CMYA5: variants seen among roughly 807,000 people sequenced by gnomAD.
The protein encoded by CMYA5 is cardiomyopathy associated 5.
CMYA5 carries 246 observed loss-of-function variants against 318.9 expected under a neutral mutation model. The ratio of observed to expected loss-of-function variants is 0.77; its 90% CI spans 0.70 to 0.86. The LOEUF is 0.86. Among genes scored for constraint, CMYA5 ranks in the 40% least tolerant of loss-of-function variants. The pLI, the probability that CMYA5 is intolerant of heterozygous loss-of-function variation, is 0.00. For synonymous variants in CMYA5, 1,641 were observed against 1,729.5 expected (o/e 0.95, Z 1.27); for missense variants, 4,589 against 4,678.2 (o/e 0.98, Z 0.56).
chr5:79,790,752 C>T (rs753961211), intron 10 of CMYA5, among the ~76,000 whole-genome samples: 8 of 152,208 alleles, frequency 5.3e-5, no homozygotes, highest in African/African-American at 1.7e-4. Context: ...GAGGGTACAC[C>T]GTGAGGACGT....
chr5:79,769,438 T>C lies in CMYA5; in HGVS notation c.11555+6229T>C, dbSNP rs1286455972. On this transcript the variant is annotated intron_variant, in intron 9 of 12. Transcript: ENST00000446378. ...TTTTTCCCTCATATTCGTGGATTTA[T>C]CTACCTTTCGTCTTTGATGTTGGTG... Among the ~76,000 whole-genome samples, 8 of 152,300 alleles carry C rather than the reference T, an allele frequency of 5.3e-5. No individual in the cohort carries two copies. In the East Asian group the frequency reaches 9.7e-4, roughly 18 times the overall value.
chr5:79,758,063 C>G (rs62363681), intron 6 of CMYA5, among the ~76,000 whole-genome samples: 17,380 of 152,038 alleles, frequency 0.11, 1,291 homozygotes, highest in Middle Eastern at 0.24. Flanking sequence ...ACCCCCACCT[C>G]TACTAAAAAT....
intron 1 of CMYA5, among the ~76,000 whole-genome samples, chr5:79,697,793 T>G (rs899583497): frequency 6.6e-6 from 1 of 152,210 alleles, no homozygotes; most frequent in Non-Finnish European, 1.5e-5. Context: ...AGTACAATTT[T>G]GCTATTTTCA....
In CMYA5 at chr5:79,758,879, C is replaced by T; in HGVS notation, c.11237C>T (p.Pro3746Leu). ...TTTCAGGTTTACTGCATGGAGGAGC[C>T]ACAAGATGATCAAGAAGTAAATGGT... ...DSFQVYCMEE[P>L]QDDQEVNELV... The change falls in exon 7 of 13, where the codon CCA (proline) becomes CTA (leucine). Residue 3746 changes from proline (P) to leucine (L), a missense_variant. By Grantham distance (98) the Pro-to-Leu change is moderately conservative. Around this residue, in one of 3 missense-constraint regions of CMYA5, gnomAD observed 2,431 missense variants for 2,495.1 expected, o/e 0.97. Transcript: ENST00000446378. The T allele has an allele frequency of 6.3e-7, 1 of 1,589,566 alleles. No homozygotes were observed. The highest frequency in any genetic ancestry group is 1.2e-5 in the South Asian group (1 of 85,998).
In CMYA5 at chr5:79,799,747, C is replaced by T; in HGVS notation, c.*131C>T. 8.0e-7 allele frequency: 1 copy of T among 1,257,582 alleles called. No individual in the cohort carries two copies. The highest frequency in any genetic ancestry group is 1.6e-5 in the South Asian group (1 of 61,578). 77.9% of individuals were successfully genotyped at this position (1,257,582 alleles called of 1,614,324 possible). ...GCACTAATGATGGCTGCATGCATAG[C>T]AATCAGCATGTGAGCAAAATCGACA... is the stretch of plus-strand genomic sequence containing the variant. On this transcript the variant is annotated 3_prime_UTR_variant, in exon 13 of 13. Coordinates refer to ENST00000446378, the MANE Select transcript of CMYA5 (RefSeq NM_153610.5).
At chr5:79,791,794 C>T (rs371829261) in intron 11 of CMYA5, among the ~76,000 whole-genome samples, 2 of 151,692 alleles carry the variant, frequency 1.3e-5, no homozygotes, top group South Asian at 2.1e-4. Flanking sequence ...ATCTTGCTTC[C>T]GTAGTAGCTC....
chr5:79,730,082 G>A lies in CMYA5; in HGVS notation c.1317G>A (p.Ala439=), dbSNP rs757580096. 3.0e-5 allele frequency: 48 copies of A among 1,613,624 alleles called. No individual in the cohort carries two copies. The highest frequency in any genetic ancestry group is 1.6e-4 in the Middle Eastern group (1 of 6,084). ...ACCATTCCATTTCTCTGGAGGCAGC[G>A]TCACCAGGTCTGGCAGCATCTACCC... is the stretch of plus-strand genomic sequence containing the variant. ...SAHHSISLEA[A]SPGLAASTQD... Residue 439 remains alanine, a synonymous_variant, in exon 2 of 13, where the codon GCG becomes GCA. Coordinates refer to ENST00000446378, the MANE Select transcript of CMYA5 (RefSeq NM_153610.5).
intron 2 of CMYA5, among the ~76,000 whole-genome samples, chr5:79,740,634 A>G (rs1828191326): frequency 6.6e-6 from 1 of 152,114 alleles, no homozygotes; most frequent in Admixed American, 6.5e-5. Context: ...AGTGTTCCAG[A>G]TAAGTTAGTC....
intron 11 of CMYA5, 74 bp downstream of exon 11, chr5:79,791,143 G>A: frequency 1.0e-6 from 1 of 984,170 alleles, no homozygotes; most frequent in Non-Finnish European, 1.6e-6. Context: ...CCTCAGGGTG[G>A]CCTCCGCTGA....
At chr5:79,727,651 C>T (rs1008472727) in intron 1 of CMYA5, among the ~76,000 whole-genome samples, 1 of 152,100 alleles carries the variant, frequency 6.6e-6, no homozygotes, top group Admixed American at 6.6e-5. Context: ...GAATGATAAC[C>T]GCAGAGGAAT....
chr5:79,770,934 C>T (rs530633516), intron 9 of CMYA5, among the ~76,000 whole-genome samples: 2 of 152,076 alleles, frequency 1.3e-5, no homozygotes, highest in South Asian at 4.2e-4. Context: ...GGGATGTAGG[C>T]ATTTAAGCAG....
chr5:79,724,614 G>T (rs1827712221), intron 1 of CMYA5, among the ~76,000 whole-genome samples: 1 of 152,170 alleles, frequency 6.6e-6, no homozygotes, highest in Non-Finnish European at 1.5e-5. Context: ...TCAGAAGGTT[G>T]CTTTGTGAGA....
At chr5:79,758,424 T>C (rs2151094005) in intron 6 of CMYA5, among the ~76,000 whole-genome samples, 1 of 149,856 alleles carries the variant, frequency 6.7e-6, no homozygotes, top group African/African-American at 2.5e-5. Context: ...CCCAGCAACT[T>C]GGGAGGCTGA....
At chr5:79,788,923 T>A (rs777937274) in intron 9 of CMYA5, 48 bp from the exon 10 acceptor site, 1 of 1,557,018 alleles carries the variant, frequency 6.4e-7, no homozygotes, top group African/African-American at 1.4e-5. Flanking sequence ...AGGAATCATT[T>A]AGCATGTGGC....
chr5:79,733,941 A>G lies in CMYA5; in HGVS notation c.5176A>G (p.Lys1726Glu). Reference sequence around the variant, plus strand: ...TCCCAAGATCATCAGCCTAGAGTCGAAAGAACCACCTGCCTCTGTAGCTGA... The same window carrying G: ...TCCCAAGATCATCAGCCTAGAGTCGGAAGAACCACCTGCCTCTGTAGCTGA... ...FSPKIISLES[K>E]EPPASVAEGG... Residue 1726 changes from lysine to glutamate, a missense_variant, in exon 2 of 13, where the codon AAA becomes GAA. By Grantham distance (56) the Lys-to-Glu change is moderately conservative (BLOSUM62 1). Coordinates refer to ENST00000446378, the MANE Select transcript of CMYA5 (RefSeq NM_153610.5). The G allele has an allele frequency of 6.2e-7, 1 of 1,613,488 alleles. No homozygotes were observed. Among genetic ancestry groups the G allele is most frequent in the Non-Finnish European group, 8.5e-7 (1 of 1,179,818 alleles).
intron 1 of CMYA5, among the ~76,000 whole-genome samples, chr5:79,714,431 C>CTTTTTCTTTTTTTTTTTTTTTT (rs767402291): frequency 3.0e-5 from 3 of 100,678 alleles, no homozygotes; most frequent in African/African-American, 8.6e-5. Flanking sequence ...TTTTCTTTTT[C>CTTTTTCTTTTTTTTTTTTTTTT]TTTTTTTTTT....
In CMYA5 at chr5:79,737,251, A is replaced by G. The variant is rs200803898; in HGVS notation, c.8486A>G (p.Asn2829Ser). ...TLASGASPEI[N>S]AVKKKEMPRS... ...GCTTCAGGAGCTTCTCCAGAAATTA[A>G]CGCAGTGAAGAAAAAAGAAATGCCA... The change falls in exon 2 of 13, where the codon AAC becomes AGC. Residue 2829 changes from asparagine to serine, a missense_variant. By Grantham distance (46) the Asn-to-Ser change is conservative. Around this residue, in one of 3 missense-constraint regions of CMYA5, gnomAD observed 2,431 missense variants for 2,495.1 expected, o/e 0.97. Coordinates refer to ENST00000446378, the MANE Select transcript of CMYA5 (RefSeq NM_153610.5). 419 of 1,613,704 alleles carry G rather than the reference A, an allele frequency of 2.6e-4. 2 individuals are homozygous for G. Among genetic ancestry groups the G allele is most frequent in the Non-Finnish European group, 3.9e-5 (46 of 1,179,828 alleles).
chr5:79,788,863 TA>T, intron 9 of CMYA5, 107 bp from the exon 10 acceptor site: 1 of 1,146,608 alleles, frequency 8.7e-7, no homozygotes, highest in South Asian at 1.6e-5. Context: ...GGGAAGAAAA[TA>T]AGTTATTTGT....
chr5:79,735,342 G>C lies in CMYA5; in HGVS notation c.6577G>C (p.Asp2193His), dbSNP rs748674616. Reference protein sequence around the residue: ...SSLFFGSSTPDNKVAEQEDLE... With the variant: ...SSLFFGSSTPHNKVAEQEDLE... Reference sequence around the variant, plus strand: ...CTTGTTTTTTGGATCGAGCACTCCAGATAACAAAGTTGCTGAACAAGAAGA... The same window carrying C: ...CTTGTTTTTTGGATCGAGCACTCCACATAACAAAGTTGCTGAACAAGAAGA... The change falls in exon 2 of 13, where the codon GAT becomes CAT. Residue 2193 changes from aspartate (D) to histidine (H), a missense_variant. Transcript: ENST00000446378. 1.2e-6 allele frequency: 2 copies of C among 1,613,796 alleles called. No individual in the cohort carries two copies. Among genetic ancestry groups the C allele is most frequent in the Admixed American group, 3.3e-5 (2 of 59,992 alleles).
Sources: gnomAD v4.1 joint callset for allele counts (sites outside exome capture counted in the v4.1 genomes callset) on GRCh38, gnomAD v4.1.1 for gene constraint, gnomAD v4.1.1 regional missense constraint, MANE v1.5 for transcripts, NCBI Gene and HGNC (gene_info 2026-07-23, HGNC 2026-07-21) for gene names.